CTNNA3: variants seen among roughly 807,000 people sequenced by gnomAD.
CTNNA3 encodes the protein catenin alpha-3.
In CTNNA3, 76 loss-of-function variants were observed where a neutral mutation model predicts 95.7. The observed-to-expected ratio is 0.79, with a 90% CI of 0.66 to 0.96. The LOEUF is 0.96. Ranked by LOEUF, CTNNA3 falls within the 40% of genes least tolerant of loss-of-function variation. The pLI, the probability that CTNNA3 is intolerant of heterozygous loss-of-function variation, is 0.00. For missense variants in CTNNA3, 1,191 were observed against 1,089.8 expected, an observed-to-expected ratio of 1.09 and a Z score of -1.31; for synonymous variants, 431 against 374.4, an observed-to-expected ratio of 1.15 and a Z score of -1.74.
chr10:67,180,998 A>G (rs1442899339), intron 6 of CTNNA3, among the ~76,000 whole-genome samples: 1 of 152,184 alleles, frequency 6.6e-6, no homozygotes, highest in Non-Finnish European at 1.5e-5. Flanking sequence ...GCAGCAAAGT[A>G]TTAATAACTA....
At chr10:66,183,094 A>G (rs2086139883) in intron 13 of CTNNA3, among the ~76,000 whole-genome samples, 1 of 152,190 alleles carries the variant, frequency 6.6e-6, no homozygotes, top group Non-Finnish European at 1.5e-5. Flanking sequence ...CAAAATGGCT[A>G]CTATATCAAC....
intron 5 of CTNNA3, among the ~76,000 whole-genome samples, chr10:67,235,648 G>T (rs1036756922): frequency 6.3e-5 from 9 of 142,460 alleles, no homozygotes; most frequent in East Asian, 2.1e-4. Flanking sequence ...GGCAACAAAA[G>T]CCAAAATTGA....
At chr10:66,035,559 T>G (rs2079544019) in intron 15 of CTNNA3, among the ~76,000 whole-genome samples, 2 of 148,866 alleles carry the variant, frequency 1.3e-5, no homozygotes, top group South Asian at 4.3e-4. Context: ...TGCCGCTGGC[T>G]TTATAATAAA....
intron 9 of CTNNA3, among the ~76,000 whole-genome samples, chr10:66,701,176 T>C (rs750889135): frequency 1.3e-5 from 2 of 152,170 alleles, no homozygotes; most frequent in Non-Finnish European, 2.9e-5. Flanking sequence ...GTTGTCTACA[T>C]CCATGTAGAT....
chr10:66,229,369 C>T (rs527267728), intron 13 of CTNNA3, among the ~76,000 whole-genome samples: 58 of 152,064 alleles, frequency 3.8e-4, no homozygotes, highest in Non-Finnish European at 7.9e-4. Flanking sequence ...TTCACATCCA[C>T]GTGTCAGGCT....
chr10:66,300,888 A>C (rs2132227713), intron 12 of CTNNA3, among the ~76,000 whole-genome samples: 1 of 152,128 alleles, frequency 6.6e-6, no homozygotes, highest in South Asian at 2.1e-4. Flanking sequence ...CAAAATCAAA[A>C]GCTAGTTATC....
chr10:66,369,425 C>A (rs956851370), intron 12 of CTNNA3, among the ~76,000 whole-genome samples: 1 of 152,120 alleles, frequency 6.6e-6, no homozygotes, highest in Non-Finnish European at 1.5e-5. Context: ...CCAATTGTGG[C>A]TATCTTTAGA....
chr10:67,205,343 G>A (rs760196913), intron 6 of CTNNA3, among the ~76,000 whole-genome samples: 1 of 152,076 alleles, frequency 6.6e-6, no homozygotes, highest in Non-Finnish European at 1.5e-5. Flanking sequence ...CATCCTTAAT[G>A]GTGTGTTCCT....
At chr10:66,708,944 T>C (rs1459530347) in intron 9 of CTNNA3, among the ~76,000 whole-genome samples, 1 of 152,110 alleles carries the variant, frequency 6.6e-6, no homozygotes, top group African/African-American at 2.4e-5. Context: ...TCTTGTATTT[T>C]CTCTTTTCAT....
intron 1 of CTNNA3, among the ~76,000 whole-genome samples, chr10:67,708,318 C>A (rs1841089327): frequency 2.0e-5 from 3 of 152,058 alleles, no homozygotes; most frequent in African/African-American, 7.2e-5. Context: ...TGAGAATTCC[C>A]AGCCCACACC....
chr10:66,243,240 G>C (rs758723928), intron 13 of CTNNA3, among the ~76,000 whole-genome samples: 12 of 152,132 alleles, frequency 7.9e-5, no homozygotes, highest in Non-Finnish European at 8.8e-5. Flanking sequence ...ATATTTCTTC[G>C]ATATATCTTT....
intron 9 of CTNNA3, among the ~76,000 whole-genome samples, chr10:66,706,309 C>T (rs559334599): frequency 2.0e-5 from 3 of 151,844 alleles, no homozygotes; most frequent in East Asian, 1.9e-4. Context: ...CTCTTAAATG[C>T]AGCTTTCATT....
At chr10:66,482,682 A>C (rs1839580647) in intron 11 of CTNNA3, among the ~76,000 whole-genome samples, 1 of 152,122 alleles carries the variant, frequency 6.6e-6, no homozygotes, top group Non-Finnish European at 1.5e-5. Flanking sequence ...TTTTCACAGG[A>C]AAATGGACAT....
At chr10:67,755,926 T>A (rs934667566) in intron 1 of CTNNA3, among the ~76,000 whole-genome samples, 2 of 151,938 alleles carry the variant, frequency 1.3e-5, no homozygotes, top group Non-Finnish European at 2.9e-5. Flanking sequence ...TTGATCTAAA[T>A]GCTCATCAAT....
chr10:67,251,366 T>C (rs987244975), intron 5 of CTNNA3, among the ~76,000 whole-genome samples: 3 of 152,190 alleles, frequency 2.0e-5, no homozygotes, highest in Non-Finnish European at 2.9e-5. Context: ...GGGTTGCTTT[T>C]GGAGGTAAGG....
chr10:65,967,399 A>G (rs1049325888), intron 16 of CTNNA3, among the ~76,000 whole-genome samples: 4 of 152,182 alleles, frequency 2.6e-5, no homozygotes, highest in African/African-American at 9.6e-5. Flanking sequence ...TTCACCTAGA[A>G]TTACTATTAG....
intron 7 of CTNNA3, among the ~76,000 whole-genome samples, chr10:66,970,321 A>G (rs1849646666): frequency 6.6e-6 from 1 of 152,172 alleles, no homozygotes; most frequent in South Asian, 2.1e-4. Flanking sequence ...TTGGTTTTAC[A>G]GCACTATCTC....
intron 10 of CTNNA3, among the ~76,000 whole-genome samples, chr10:66,556,366 T>C (rs964100641): frequency 6.6e-6 from 1 of 152,064 alleles, no homozygotes; most frequent in Non-Finnish European, 1.5e-5. Flanking sequence ...TTTTGGTATA[T>C]ATCCAAAGAA....
At chr10:66,381,619 T>C (rs903485033) in intron 11 of CTNNA3, among the ~76,000 whole-genome samples, 1 of 152,164 alleles carries the variant, frequency 6.6e-6, no homozygotes, top group African/African-American at 2.4e-5. Flanking sequence ...TCATGGGCTA[T>C]GAACCTAAGT....
Sources: gnomAD v4.1 joint callset for allele counts (sites outside exome capture counted in the v4.1 genomes callset) on GRCh38, gnomAD v4.1.1 for gene constraint, MANE v1.5 for transcripts, NCBI Gene and HGNC (gene_info 2026-07-23, HGNC 2026-07-21) for gene names.